Variants in SYNE2 observed in about 807,000 individuals in gnomAD.
SYNE2 encodes the protein spectrin repeat containing nuclear envelope protein 2.
In SYNE2, 431 loss-of-function variants were observed where a neutral mutation model predicts 856.3. That is an observed-to-expected ratio of 0.50 (90% CI 0.47 to 0.55). The LOEUF is 0.55. Among genes scored for constraint, SYNE2 ranks in the 20% least tolerant of loss-of-function variants. SYNE2 has a pLI of 0.00. For synonymous variants in SYNE2, 2,923 were observed against 2,872.3 expected (o/e 1.02, Z -0.56); for missense variants, 8,129 against 8,023.2 (o/e 1.01, Z -0.50).
chr14:63,855,490 T>C (rs1707138892), intron 1 of SYNE2, among the ~76,000 whole-genome samples: 1 of 152,180 alleles, frequency 6.6e-6, no homozygotes, highest in South Asian at 2.1e-4. Flanking sequence ...ACCAGCTTTC[T>C]TGCTGCATGA....
At chr14:64,030,879 G>A in intron 44 of SYNE2, 137 bp from the exon 45 acceptor site, 2 of 705,202 alleles carry the variant, frequency 2.8e-6, no homozygotes, top group South Asian at 1.8e-5. Context: ...TTTTGCCAAA[G>A]TTTCTTCTAT....
At chr14:63,852,450 G>C (rs1022101656), upstream of SYNE2, among the ~76,000 whole-genome samples, 2 of 152,116 alleles carry the variant, frequency 1.3e-5, no homozygotes, top group Admixed American at 1.3e-4. Flanking sequence ...CATCCAAGGG[G>C]AAGGAGGAAC....
At chr14:64,074,491 G>A (rs1386861578) in intron 53 of SYNE2, among the ~76,000 whole-genome samples, 3 of 152,100 alleles carry the variant, frequency 2.0e-5, no homozygotes, top group East Asian at 3.8e-4. Flanking sequence ...TCTCTGACAG[G>A]GTCTATGTAC....
At position 64,051,851 on chromosome 14, in the gene SYNE2, G is replaced by A; in HGVS notation, c.7938G>A (p.Gln2646=). The change falls in exon 48 of 116, where the codon CAG becomes CAA. Residue 2646 remains glutamine (Q), a synonymous_variant. Transcript: ENST00000555002. ...CTGAGATTTCTCTGCAACAGCAGCA[G>A]CAACATCTACAGTTAAGGCTGAAGT... ...QDTEISLQQQ[Q]QHLQLRLKSP... 4 of 1,614,088 alleles carry A rather than the reference G, an allele frequency of 2.5e-6. No individual in the cohort carries two copies. The South Asian group carries it at 3.3e-5, about 13-fold the overall frequency.
chr14:63,955,049 C>T (rs564635490), intron 8 of SYNE2, 134 bp downstream of exon 8: 86 of 739,492 alleles, frequency 1.2e-4, no homozygotes, highest in Middle Eastern at 3.5e-4. Context: ...AGCTCTTTAT[C>T]GAATTTGATG....
chr14:64,093,640 A>G (rs2097649543), intron 61 of SYNE2, among the ~76,000 whole-genome samples, 160 bp downstream of exon 61: 1 of 152,164 alleles, frequency 6.6e-6, no homozygotes, highest in African/African-American at 2.4e-5. Context: ...TTTACTTTCC[A>G]TCCCTATTTC....
At chr14:63,934,329 TC>T (rs67794431) in intron 2 of SYNE2, among the ~76,000 whole-genome samples, 13,553 of 152,138 alleles carry the variant, frequency 0.089, 660 homozygotes, top group South Asian at 0.17. Flanking sequence ...AGAGGTAACT[TC>T]TACTTTTCCT....
At position 64,001,984 on chromosome 14, in the gene SYNE2, C is replaced by A; in HGVS notation, c.3689C>A (p.Ala1230Glu). 1 of 1,613,872 alleles carries A rather than the reference C, an allele frequency of 6.2e-7. No individual in the cohort carries two copies. The highest frequency in any genetic ancestry group is 1.7e-5 in the Admixed American group (1 of 60,020). Residue 1230 changes from alanine to glutamate, a missense_variant, in exon 29 of 116, where the codon GCA becomes GAA. By Grantham distance (107) the Ala-to-Glu change is moderately radical. Transcript: ENST00000555002. ...ALRLVLPVEK[A>E]SLLLCGSDLP... ...CGGCTTGTGTTACCTGTAGAGAAGG[C>A]ATCACTTCTTCTCTGTGGCTCGGAC...
intron 93 of SYNE2, among the ~76,000 whole-genome samples, chr14:64,169,928 C>T (rs1035403960): frequency 2.6e-5 from 4 of 152,150 alleles, no homozygotes; most frequent in Non-Finnish European, 5.9e-5. Context: ...TTCTAGTTTT[C>T]CTTTCCACGT....
At chr14:64,043,065 G>C (rs752053034) in intron 45 of SYNE2, among the ~76,000 whole-genome samples, 2 of 152,212 alleles carry the variant, frequency 1.3e-5, no homozygotes, top group Non-Finnish European at 2.9e-5. Context: ...TGAGGAACTT[G>C]TTGGGAACTG....
At chr14:63,856,050 C>T (rs1039454719) in intron 1 of SYNE2, among the ~76,000 whole-genome samples, 1 of 152,072 alleles carries the variant, frequency 6.6e-6, no homozygotes, top group Non-Finnish European at 1.5e-5. Context: ...GAAGAAGATC[C>T]GGCCGAGAGA....
Position 63,971,862 on chromosome 14 carries a change from C to A in SYNE2, c.1128+4016C>A, listed in dbSNP as rs149800052. Among the ~76,000 whole-genome samples the A allele has an allele frequency of 5.7e-3, 867 of 152,120 alleles. 22 individuals carry two copies. The highest frequency in any genetic ancestry group is 3.7e-3 in the Non-Finnish European group (252 of 68,018). ...TATTGAGGAATAATTTATGTAACAT[C>A]TCATTTTTAAATGGATAATGAAATG... On this transcript the variant is annotated intron_variant, in intron 11 of 115. Transcript: ENST00000555002.
chr14:63,934,752 G>A (rs75665971), intron 2 of SYNE2, among the ~76,000 whole-genome samples: 2,571 of 152,008 alleles, frequency 0.017, 64 homozygotes, highest in African/African-American at 0.059. Context: ...TGATACTATT[G>A]CTGATTAGTT....
At position 64,186,469 on chromosome 14, in the gene SYNE2, C is replaced by T. The variant is rs777534025; in HGVS notation, c.17602C>T (p.Leu5868Phe). 1.2e-6 allele frequency: 2 copies of T among 1,614,222 alleles called. No individual in the cohort carries two copies. The highest frequency in any genetic ancestry group is 1.7e-6 in the Non-Finnish European group (2 of 1,180,030). Residue 5868 changes from leucine to phenylalanine, a missense_variant, in exon 97 of 116, where the codon CTT becomes TTT. By Grantham distance (22) the Leu-to-Phe change is conservative. This residue lies in a region of SYNE2 where 5,410 missense variants were observed against 5,284.8 expected (regional missense o/e 1.02). Coordinates refer to ENST00000555002, the MANE Select transcript of SYNE2 (RefSeq NM_182914.3). ...LASWTQNLKE[L>F]QTMKADLTRH... ...TAGCTGGACTCAGAACTTGAAAGAA[C>T]TTCAAACTATGAAGGCGGACTTAAC...
At chr14:64,098,620 C>T (rs1169269669) in intron 62 of SYNE2, 127 bp from the exon 63 acceptor site, 1 of 914,962 alleles carries the variant, frequency 1.1e-6, no homozygotes, top group African/African-American at 1.6e-5. Flanking sequence ...AGACAGGCTT[C>T]TTGTGGGGGT....
At chr14:63,926,080 G>A (rs951645238) in intron 2 of SYNE2, among the ~76,000 whole-genome samples, 1 of 152,048 alleles carries the variant, frequency 6.6e-6, no homozygotes, top group Non-Finnish European at 1.5e-5. Context: ...CTGAGCTCAA[G>A]CGATCTGCCC....
intron 32 of SYNE2, among the ~76,000 whole-genome samples, chr14:64,012,553 G>C (rs1002266648): frequency 5.9e-5 from 9 of 152,106 alleles, no homozygotes; most frequent in African/African-American, 1.9e-4. Flanking sequence ...TGCTTTGTCT[G>C]TACTCCTTAC....
In SYNE2 at chr14:64,113,378, C is replaced by T. The variant is rs1416268364; in HGVS notation, c.12647C>T (p.Ser4216Phe). ...CCTATTGAGGCTGACACTCTGGACTCTTCTGACGCGCAAGGAGGTTTGGAG... is the reference window on the plus strand; with the variant it reads ...CCTATTGAGGCTGACACTCTGGACTTTTCTGACGCGCAAGGAGGTTTGGAG... ...TPPIEADTLD[S>F]SDAQGGLEPR... Residue 4216 changes from serine to phenylalanine, a missense_variant, in exon 66 of 116, where the codon TCT (serine) becomes TTT (phenylalanine). Coordinates refer to ENST00000555002, the MANE Select transcript of SYNE2 (RefSeq NM_182914.3). The T allele has an allele frequency of 4.3e-6, 7 of 1,614,126 alleles. No individual in the cohort carries two copies. The highest frequency in any genetic ancestry group is 5.9e-6 in the Non-Finnish European group (7 of 1,180,040).
chr14:64,175,515 T>C (rs1191285800), intron 95 of SYNE2, among the ~76,000 whole-genome samples: 1 of 152,234 alleles, frequency 6.6e-6, no homozygotes, highest in Non-Finnish European at 1.5e-5. Flanking sequence ...TGTATGATTA[T>C]ACCTTTAAGA....
Sources: gnomAD v4.1 joint callset for allele counts (sites outside exome capture counted in the v4.1 genomes callset) on GRCh38, gnomAD v4.1.1 for gene constraint, gnomAD v4.1.1 regional missense constraint, MANE v1.5 for transcripts, NCBI Gene and HGNC (gene_info 2026-07-23, HGNC 2026-07-21) for gene names.